Variants in ANKS3 observed in about 807,000 individuals in gnomAD.
The protein encoded by ANKS3 is ankyrin repeat and SAM domain-containing protein 3.
Under a neutral mutation model 80.7 loss-of-function variants are expected in ANKS3, and 62 were observed. That is an observed-to-expected ratio of 0.77 (90% CI 0.63 to 0.95). The LOEUF (loss-of-function observed/expected upper bound fraction) is 0.95, where lower values mean the gene tolerates loss of function less well. Ranked by LOEUF, ANKS3 falls within the 40% of genes least tolerant of loss-of-function variation. The probability of loss-of-function intolerance (pLI) is 0.00; values close to 1 mark genes in which losing one functional copy is unlikely to be tolerated. For missense variants in ANKS3, 1,150 were observed against 883.6 expected (o/e 1.30, Z -3.82); for synonymous variants, 489 against 355.3 (o/e 1.38, Z -4.23).
intron 7 of ANKS3, among the ~76,000 whole-genome samples, chr16:4,712,020 T>C (rs1470133258): frequency 6.6e-6 from 1 of 152,168 alleles, no homozygotes; most frequent in Non-Finnish European, 1.5e-5. Context: ...AACTTCCAAA[T>C]TATTTTTATG....
At position 4,721,253 on chromosome 16, in the gene ANKS3, C is replaced by T. The variant is rs550934669; in HGVS notation, c.573+3497G>A. On this transcript the variant is annotated intron_variant, in intron 6 of 17. Transcript: ENST00000304283. ...CCGGAAGTCTGAGGTTGCAGTGAGC[C>T]GAGATCGTGCCACTGCACTCTAGCC... Among the ~76,000 whole-genome samples, 12 of 144,048 alleles carry T rather than the reference C, an allele frequency of 8.3e-5. No homozygotes were observed. In the South Asian group the frequency reaches 2.3e-3, roughly 27 times the overall value. 94.5% of individuals were successfully genotyped at this position (144,048 alleles called of 152,430 possible).
Position 4,697,005 on chromosome 16 carries a change from G to C in ANKS3, c.*11+12C>G. ...CTCCCACCACGCGGGATCCAGGCTG[G>C]CAGACACTCACCGGCCCGCAGGCTA... On this transcript the variant is annotated intron_variant, in intron 17 of 17. Coordinates refer to ENST00000304283, the MANE Select transcript of ANKS3 (RefSeq NM_133450.4). The C allele has an allele frequency of 6.2e-7, 1 of 1,611,006 alleles. No individual in the cohort carries two copies. Among genetic ancestry groups the C allele is most frequent in the Non-Finnish European group, 8.5e-7 (1 of 1,178,900 alleles).
chr16:4,712,140 G>A (rs1324054310), intron 7 of ANKS3, among the ~76,000 whole-genome samples: 225 of 152,056 alleles, frequency 1.5e-3, no homozygotes, highest in African/African-American at 5.2e-3. Flanking sequence ...GGAGGCTGAG[G>A]CAGGCGGATC....
At chr16:4,720,161 C>CA (rs34135519) in intron 6 of ANKS3, among the ~76,000 whole-genome samples, 4,586 of 60,622 alleles carry the variant, frequency 0.076, 267 homozygotes, top group African/African-American at 0.18. Flanking sequence ...GACCCCACCC[C>CA]AAAAAAAAAA....
At chr16:4,728,849 C>A (rs2081485922) in intron 3 of ANKS3, among the ~76,000 whole-genome samples, 1 of 152,230 alleles carries the variant, frequency 6.6e-6, no homozygotes, top group African/African-American at 2.4e-5. Flanking sequence ...CTAGAGCCTC[C>A]TGTGGAGGGA....
At chr16:4,704,128 G>A (rs1361973055) in intron 8 of ANKS3, among the ~76,000 whole-genome samples, 1 of 152,226 alleles carries the variant, frequency 6.6e-6, no homozygotes, top group Non-Finnish European at 1.5e-5. Context: ...GCTCGAGAGA[G>A]GCCTTCCCAG....
chr16:4,701,413 C>T (rs760081565), intron 10 of ANKS3, 21 bp downstream of exon 10: 2 of 1,577,278 alleles, frequency 1.3e-6, no homozygotes, highest in African/African-American at 2.7e-5. Flanking sequence ...TATGGGAGAC[C>T]AAGAAAGAAA....
chr16:4,724,178 A>G (rs930937599), intron 6 of ANKS3, among the ~76,000 whole-genome samples: 1 of 152,270 alleles, frequency 6.6e-6, no homozygotes, highest in Non-Finnish European at 1.5e-5. Context: ...AAAATGTTAA[A>G]AACTAAGTTT....
chr16:4,728,475 AG>A (rs1020820370), intron 3 of ANKS3, among the ~76,000 whole-genome samples: 1 of 152,096 alleles, frequency 6.6e-6, no homozygotes, highest in Non-Finnish European at 1.5e-5. Context: ...GCCCCTGGCC[AG>A]GGGGGCTGCA....
At chr16:4,705,404 A>C (rs2080130587) in intron 7 of ANKS3, 151 bp from the exon 8 acceptor site, 6 of 943,358 alleles carry the variant, frequency 6.4e-6, no homozygotes, top group Non-Finnish European at 9.4e-6. Context: ...GAAATGCCCT[A>C]ACAGGCCGGG....
intron 6 of ANKS3, among the ~76,000 whole-genome samples, chr16:4,718,994 T>C (rs911640960): frequency 1.3e-5 from 2 of 152,146 alleles, no homozygotes; most frequent in Admixed American, 6.6e-5. Context: ...AAGAGACTGA[T>C]AAGAAAATGA....
intron 2 of ANKS3, chr16:4,730,359 C>A (rs1371806722): frequency 1.2e-5 from 5 of 410,614 alleles, no homozygotes; most frequent in African/African-American, 1.0e-4. Flanking sequence ...AGCCTGCTAT[C>A]ACACCAGTAA....
intron 7 of ANKS3, among the ~76,000 whole-genome samples, chr16:4,708,567 T>C (rs2080322320): frequency 6.6e-6 from 1 of 152,132 alleles, no homozygotes; most frequent in African/African-American, 2.4e-5. Flanking sequence ...GTAGGTCTCA[T>C]TAATAAATCA....
intron 6 of ANKS3, among the ~76,000 whole-genome samples, chr16:4,720,567 A>C (rs1197738296): frequency 6.6e-6 from 1 of 151,420 alleles, no homozygotes; most frequent in Non-Finnish European, 1.5e-5. Flanking sequence ...CCCACCTCAC[A>C]CAACAAAGAC....
chr16:4,699,222 G>T, intron 11 of ANKS3, 46 bp from the exon 12 acceptor site: 1 of 1,603,710 alleles, frequency 6.2e-7, no homozygotes, highest in South Asian at 1.1e-5. Context: ...GGCTGACGAC[G>T]AAGCAGAGAC....
intron 3 of ANKS3, chr16:4,729,347 G>A (rs1366071126): frequency 6.6e-6 from 1 of 152,082 alleles, no homozygotes; most frequent in Non-Finnish European, 1.5e-5. Context: ...AGAAGGCCAG[G>A]GATCACTTTC....
At chr16:4,698,302 G>T in intron 14 of ANKS3, 125 bp downstream of exon 14, 3 of 1,322,940 alleles carry the variant, frequency 2.3e-6, no homozygotes, top group Non-Finnish European at 3.0e-6. Flanking sequence ...AATGGGGGTG[G>T]GGTGGCTCCA....
In ANKS3 at chr16:4,730,134, C is replaced by T. The variant is rs765960466; in HGVS notation, c.16G>A (p.Asp6Asn). 11 of 1,571,932 alleles carry T rather than the reference C, an allele frequency of 7.0e-6. No individual in the cohort carries two copies. The highest frequency in any genetic ancestry group is 6.8e-5 in the African/African-American group (5 of 73,486). The change falls in exon 3 of 18, where the codon GAT becomes AAT. Residue 6 changes from aspartate (D) to asparagine (N), a missense_variant. Coordinates refer to ENST00000304283, the MANE Select transcript of ANKS3 (RefSeq NM_133450.4). ...AGGAGTTCCGGCTCGCTGGCTTCAT[C>T]GCTGAGCTCGGACATCACTGAGGAG... MSELS[D>N]EASEPELLNR...
In ANKS3 at chr16:4,726,664, G is replaced by A. The variant is rs202062510; in HGVS notation, c.486C>T (p.Asn162=). Residue 162 remains asparagine (N), a synonymous_variant, in exon 5 of 18, where the codon AAC becomes AAT. Coordinates refer to ENST00000304283, the MANE Select transcript of ANKS3 (RefSeq NM_133450.4). The stretch of plus-strand genomic sequence containing the variant: ...ACTAAAGATGTGGCAATCACCTCAC[G>A]TTGGCATTGGCTCCACTGTCCAAGA... The part of the protein sequence containing the change: ...RFLLDSGANA[N]VREPICGFTP... The A allele has an allele frequency of 9.4e-5, 151 of 1,613,646 alleles. No individual in the cohort carries two copies. The highest frequency in any genetic ancestry group is 6.2e-5 in the Non-Finnish European group (73 of 1,179,638).
Sources: gnomAD v4.1 joint callset for allele counts (sites outside exome capture counted in the v4.1 genomes callset) on GRCh38, gnomAD v4.1.1 for gene constraint, MANE v1.5 for transcripts, NCBI Gene and HGNC (gene_info 2026-07-23, HGNC 2026-07-21) for gene names.